Variants in SOS1 observed in about 807,000 individuals in gnomAD.
SOS1 encodes the protein SOS Ras/Rac guanine nucleotide exchange factor 1, also known as son of sevenless homolog 1.
Under a neutral mutation model 157.6 loss-of-function variants are expected in SOS1, and 25 were observed. The ratio of observed to expected loss-of-function variants is 0.16; its 90% confidence interval spans 0.12 to 0.22. SOS1 has a LOEUF of 0.22. Ranked by LOEUF, SOS1 falls within the 10% of genes least tolerant of loss-of-function variation. The pLI is 1.00. For synonymous variants in SOS1, 528 were observed against 534.0 expected, an observed-to-expected ratio of 0.99 and a Z score of 0.16; for missense variants, 1,237 against 1,599.1, an observed-to-expected ratio of 0.77 and a Z score of 3.86.
At chr2:39,068,097 C>G (rs1241285043) in intron 1 of SOS1, among the ~76,000 whole-genome samples, 2 of 152,052 alleles carry the variant, frequency 1.3e-5, no homozygotes, top group Non-Finnish European at 2.9e-5. Context: ...CCAGCCTGGG[C>G]AACAGAGCAA....
chr2:39,070,025 C>T (rs1572869592), intron 1 of SOS1, among the ~76,000 whole-genome samples: 1 of 152,164 alleles, frequency 6.6e-6, no homozygotes, highest in Admixed American at 6.5e-5. Flanking sequence ...AAATAATAGA[C>T]AGTGTGTACT....
intron 1 of SOS1, among the ~76,000 whole-genome samples, chr2:39,113,554 A>G (rs1673522256): frequency 6.6e-6 from 1 of 152,010 alleles, no homozygotes; most frequent in South Asian, 2.1e-4. Flanking sequence ...TAAATAAAAT[A>G]ATTTTAAAAA....
chr2:39,007,435 C>T (rs1669316146), intron 15 of SOS1: 1 of 486,750 alleles, frequency 2.1e-6, no homozygotes, highest in East Asian at 3.7e-5. Context: ...ATATTTGGTG[C>T]ATCCTCTATT....
intron 1 of SOS1, among the ~76,000 whole-genome samples, chr2:39,107,930 A>C (rs1012082958): frequency 1.3e-5 from 2 of 152,148 alleles, no homozygotes; most frequent in Non-Finnish European, 2.9e-5. Context: ...ACAGTCCATC[A>C]AACAGGCCTT....
rs759378067 is a variant in SOS1, at chr2:39,014,746, A to AT, written c.1940+18dup. On this transcript the variant is annotated intron_variant, in intron 11 of 22. Coordinates refer to ENST00000402219, the MANE Select transcript of SOS1 (RefSeq NM_005633.4). ...TTAACAAAAAATAATGAATTTAAATATTTTTTAAATGGACAGACCTTTCTA... is the reference window on the plus strand; with the variant it reads ...TTAACAAAAAATAATGAATTTAAATATTTTTTTAAATGGACAGACCTTTCTA... 2 of 1,323,674 alleles carry AT rather than the reference A, an allele frequency of 1.5e-6. No homozygotes were observed. Among genetic ancestry groups the AT allele is most frequent in the East Asian group, 4.6e-5 (2 of 43,208 alleles). The allele number at this position is 1,323,674 out of a possible 1,614,324, so 82.0% of individuals were successfully genotyped here.
At chr2:39,064,924 ATT>A (rs571068363) in intron 2 of SOS1, among the ~76,000 whole-genome samples, 5 of 132,310 alleles carry the variant, frequency 3.8e-5, no homozygotes, top group African/African-American at 2.8e-5. Flanking sequence ...ATTTTTTTGT[ATT>A]TTTTTTTTTT....
At chr2:39,050,946 T>G (rs1046794645) in intron 6 of SOS1, among the ~76,000 whole-genome samples, 198 bp downstream of exon 6, 1 of 152,146 alleles carries the variant, frequency 6.6e-6, no homozygotes, top group Non-Finnish European at 1.5e-5. Context: ...TTTCTATAAT[T>G]AACAAGAGAC....
rs1668911019 is a variant in SOS1, at chr2:38,996,862, G to A, written c.3081+60C>T. ...TACTTCATCCCTGAATACCTTTATG[G>A]AAAACTATATAACACATATGGTAGT... On this transcript the variant is annotated intron_variant, in intron 19 of 22. Coordinates refer to ENST00000402219, the MANE Select transcript of SOS1 (RefSeq NM_005633.4). 58 of 887,036 alleles carry A rather than the reference G, an allele frequency of 6.5e-5. No homozygotes were observed. The South Asian group carries it at 7.6e-4, about 12-fold the overall frequency. The allele number at this position is 887,036 out of a possible 1,614,324, so 54.9% of individuals were successfully genotyped here. A position where few individuals can be genotyped will look rare whatever the true frequency, so the allele number is the denominator to read the frequency against.
intron 21 of SOS1, 111 bp from the exon 22 acceptor site, chr2:38,987,702 T>TA (rs1376683243): frequency 2.9e-6 from 2 of 690,258 alleles, no homozygotes; most frequent in Non-Finnish European, 5.2e-6. Context: ...TGTGTAGAAA[T>TA]ACCAAAAGCT....
rs1668442444 is a variant in SOS1 at position 38,982,814 on chromosome 2, C to G, written c.*3010G>C. The G allele has an allele frequency of 6.6e-6, 1 of 152,032 alleles. No homozygotes were observed. Among genetic ancestry groups the G allele is most frequent in the South Asian group, 2.1e-4 (1 of 4,828 alleles). The allele number at this position is 152,032 out of a possible 1,614,324, so 9.4% of individuals were successfully genotyped here. A position where few individuals can be genotyped will look rare whatever the true frequency, so the allele number is the denominator to read the frequency against. On this transcript the variant is annotated 3_prime_UTR_variant, in exon 23 of 23. Transcript: ENST00000402219. ...TAAATACCAACTAATTTTTGGTTTA[C>G]ATAAGGTAATTTTTGATTTATGGAG... is the stretch of plus-strand genomic sequence containing the variant.
chr2:39,052,533 A>G (rs1671056321), intron 5 of SOS1, among the ~76,000 whole-genome samples: 1 of 152,168 alleles, frequency 6.6e-6, no homozygotes, highest in Non-Finnish European at 1.5e-5. Flanking sequence ...TGTCTTTTCT[A>G]GAATATTAAA....
intron 6 of SOS1, among the ~76,000 whole-genome samples, chr2:39,042,641 G>A (rs1029017155): frequency 1.3e-5 from 2 of 151,466 alleles, no homozygotes; most frequent in African/African-American, 4.8e-5. Context: ...CTGACCTTGT[G>A]ATCCGCCCGC....
intron 6 of SOS1, among the ~76,000 whole-genome samples, chr2:39,045,031 C>G (rs535833340): frequency 6.6e-6 from 1 of 152,012 alleles, no homozygotes; most frequent in African/African-American, 2.4e-5. Flanking sequence ...ATATAATGTA[C>G]GTTATGTAAA....
rs1370381478 is a variant in SOS1, at chr2:38,986,211, TGAGATA to T, written c.3609_3614del (p.Ile1204_Ser1205del). 6.2e-7 allele frequency: 1 copy of T among 1,613,726 alleles called. No individual in the cohort carries two copies. The highest frequency in any genetic ancestry group is 1.3e-5 in the African/African-American group (1 of 74,864). On this transcript the variant is annotated inframe_deletion, in exon 23 of 23. Coordinates refer to ENST00000402219, the MANE Select transcript of SOS1 (RefSeq NM_005633.4). Reference sequence around the variant, plus strand: ...ATAAGGGAGGGCTTTCAGGAGGGTCTGAGATAGAGGTCCGGTCTGATATTGAATATC... The same window carrying T: ...ATAAGGGAGGGCTTTCAGGAGGGTCTGAGGTCCGGTCTGATATTGAATATC...
At chr2:39,055,588 G>C (rs1220536574) in intron 4 of SOS1, among the ~76,000 whole-genome samples, 1 of 151,946 alleles carries the variant, frequency 6.6e-6, no homozygotes, top group Non-Finnish European at 1.5e-5. Flanking sequence ...AAATCAGGTG[G>C]GTTTTTTCAC....
At chr2:39,111,752 G>A (rs954578644) in intron 1 of SOS1, among the ~76,000 whole-genome samples, 3 of 147,148 alleles carry the variant, frequency 2.0e-5, no homozygotes, top group African/African-American at 7.6e-5. Context: ...TTTTTGAGAC[G>A]GAGTTTCGCT....
chr2:39,045,866 G>A (rs1157317030), intron 6 of SOS1, among the ~76,000 whole-genome samples: 2 of 151,892 alleles, frequency 1.3e-5, no homozygotes, highest in Admixed American at 1.3e-4. Context: ...ACACCACCAT[G>A]CCCAGCTAAT....
intron 15 of SOS1, among the ~76,000 whole-genome samples, chr2:39,010,241 G>A (rs1432470773): frequency 4.6e-5 from 7 of 151,724 alleles, no homozygotes; most frequent in African/African-American, 1.5e-4. Flanking sequence ...GCTTGAACCC[G>A]GAAGGTGGAG....
intron 1 of SOS1, among the ~76,000 whole-genome samples, chr2:39,098,674 A>G (rs1010321330): frequency 6.6e-6 from 1 of 152,250 alleles, no homozygotes; most frequent in South Asian, 2.1e-4. Flanking sequence ...CAGATCACGA[A>G]GTTAGGAGAT....
Sources: allele counts gnomAD v4.1 joint callset (sites outside exome capture counted in the v4.1 genomes callset), GRCh38; gene constraint gnomAD v4.1.1; transcripts MANE v1.5; gene names NCBI Gene and HGNC (gene_info 2026-07-23, HGNC 2026-07-21).